The following SNTG1 variants were observed in gnomAD, a reference collection of about 807,000 sequenced individuals.
SNTG1 encodes syntrophin gamma 1.
A neutral mutation model predicts 74.7 loss-of-function variants in SNTG1; 39 were observed. That is an observed-to-expected ratio of 0.52 (90% CI 0.40 to 0.68). The LOEUF (loss-of-function observed/expected upper bound fraction) is 0.68, where lower values mean the gene tolerates loss of function less well. SNTG1 is among the 30% of genes least tolerant of loss of function. SNTG1 has a pLI of 0.00. For missense variants in SNTG1, 685 were observed against 609.5 expected (o/e 1.12, Z -1.30); for synonymous variants, 254 against 217.1 (o/e 1.17, Z -1.49).
At chr8:50,473,966 G>A (rs996691868) in intron 8 of SNTG1, among the ~76,000 whole-genome samples, 1 of 148,688 alleles carries the variant, frequency 6.7e-6, no homozygotes, top group African/African-American at 2.5e-5. Context: ...TAGTTTTTAA[G>A]TTTTTTTTTT....
At chr8:50,182,601 GA>G (rs965520684) in intron 2 of SNTG1, among the ~76,000 whole-genome samples, 3 of 151,812 alleles carry the variant, frequency 2.0e-5, no homozygotes, top group Non-Finnish European at 2.9e-5. Flanking sequence ...ATTTTTTCAA[GA>G]AAAAAATGTG....
At chr8:50,349,009 G>T (rs2091565676) in intron 2 of SNTG1, among the ~76,000 whole-genome samples, 1 of 152,122 alleles carries the variant, frequency 6.6e-6, no homozygotes, top group African/African-American at 2.4e-5. Flanking sequence ...TTATAAGTAT[G>T]ACGTGAAAGA....
intron 8 of SNTG1, among the ~76,000 whole-genome samples, chr8:50,482,587 T>TA (rs751902473): frequency 5.9e-5 from 9 of 152,142 alleles, no homozygotes; most frequent in Non-Finnish European, 1.0e-4. Context: ...CTGAAGTAAA[T>TA]AGCCTACAGA....
chr8:50,613,710 A>C (rs576931794), intron 13 of SNTG1, among the ~76,000 whole-genome samples: 145 of 152,256 alleles, frequency 9.5e-4, no homozygotes, highest in African/African-American at 3.4e-3. Flanking sequence ...ATCAGATTTT[A>C]AATTGCACAC....
intron 2 of SNTG1, among the ~76,000 whole-genome samples, chr8:50,218,752 A>G (rs1197951022): frequency 6.6e-6 from 1 of 152,206 alleles, no homozygotes; most frequent in African/African-American, 2.4e-5. Context: ...CTACTTGCCC[A>G]AATAGCCTTT....
intron 9 of SNTG1, among the ~76,000 whole-genome samples, chr8:50,520,277 T>C (rs1422624428): frequency 6.6e-6 from 1 of 152,128 alleles, no homozygotes; most frequent in Non-Finnish European, 1.5e-5. Flanking sequence ...TAACACCTTA[T>C]ACAAAAAATA....
At chr8:50,359,175 G>C (rs1240068380) in intron 2 of SNTG1, among the ~76,000 whole-genome samples, 1 of 152,126 alleles carries the variant, frequency 6.6e-6, no homozygotes, top group Non-Finnish European at 1.5e-5. Flanking sequence ...TCCCAAAATA[G>C]GCATGCCATT....
At chr8:50,510,023 C>T (rs1472737410) in intron 9 of SNTG1, among the ~76,000 whole-genome samples, 1 of 152,184 alleles carries the variant, frequency 6.6e-6, no homozygotes, top group East Asian at 1.9e-4. Flanking sequence ...CCAGTTTTTG[C>T]TCATTCAGTA....
Position 50,384,834 on chromosome 8 carries a change from G to A in SNTG1, c.-27-9378G>A, listed in dbSNP as rs528830551. Among the ~76,000 whole-genome samples the A allele has an allele frequency of 2.6e-5, 4 of 152,190 alleles. No individual in the cohort carries two copies. The East Asian group carries it at 7.7e-4, about 29-fold the overall frequency. On this transcript the variant is annotated intron_variant, in intron 2 of 18. Transcript: ENST00000642720. ...TCTTGTAAACTATTTGTGCCTTAGG[G>A]TCTGCTTGAGCCCGATCACTTCCAT... is the stretch of plus-strand genomic sequence containing the variant.
At chr8:50,603,279 T>C (rs192301698) in intron 13 of SNTG1, among the ~76,000 whole-genome samples, 151 of 152,322 alleles carry the variant, frequency 9.9e-4, no homozygotes, top group African/African-American at 3.5e-3. Context: ...TGCTCCACAG[T>C]TCTGCTATTA....
intron 1 of SNTG1, among the ~76,000 whole-genome samples, chr8:50,021,517 G>A (rs967088185): frequency 7.2e-5 from 11 of 152,142 alleles, no homozygotes; most frequent in Admixed American, 3.9e-4. Flanking sequence ...GAAATTTTCT[G>A]TATGTATTAA....
At chr8:50,333,405 C>T (rs1387041228) in intron 2 of SNTG1, among the ~76,000 whole-genome samples, 1 of 152,196 alleles carries the variant, frequency 6.6e-6, no homozygotes, top group African/African-American at 2.4e-5. Flanking sequence ...GTTCCCTAAA[C>T]TTTTGTATAT....
intron 1 of SNTG1, among the ~76,000 whole-genome samples, chr8:50,149,989 T>C (rs2082006635): frequency 1.3e-5 from 2 of 152,196 alleles, no homozygotes; most frequent in South Asian, 2.1e-4. Flanking sequence ...TTGGGCAGTA[T>C]GGCCATTTTC....
chr8:50,678,402 A>G (rs2131376986), intron 15 of SNTG1, among the ~76,000 whole-genome samples: 1 of 152,182 alleles, frequency 6.6e-6, no homozygotes, highest in African/African-American at 2.4e-5. Context: ...TTCTGGACCA[A>G]GTTGCTCTGT....
chr8:50,532,091 A>C (rs1307851744), intron 10 of SNTG1, among the ~76,000 whole-genome samples: 1 of 152,206 alleles, frequency 6.6e-6, no homozygotes, highest in African/African-American at 2.4e-5. Context: ...AATTCTTCTT[A>C]CTGGAGCTAT....
At chr8:50,422,241 G>A (rs192569829) in intron 4 of SNTG1, among the ~76,000 whole-genome samples, 8 of 23,278 alleles carry the variant, frequency 3.4e-4, no homozygotes, top group Admixed American at 2.6e-3. Flanking sequence ...CTTCAACAGC[G>A]ATCTATCTAT....
intron 13 of SNTG1, among the ~76,000 whole-genome samples, chr8:50,631,174 A>T (rs1396169057): frequency 6.6e-6 from 1 of 152,206 alleles, no homozygotes; most frequent in Non-Finnish European, 1.5e-5. Context: ...AAGAAAAAGC[A>T]ATGTTTCCAG....
chr8:50,048,748 G>A (rs892186194), intron 1 of SNTG1, among the ~76,000 whole-genome samples: 1 of 151,946 alleles, frequency 6.6e-6, no homozygotes, highest in African/African-American at 2.4e-5. Flanking sequence ...TTATGTGTTT[G>A]ACCTTATCAT....
intron 15 of SNTG1, among the ~76,000 whole-genome samples, chr8:50,664,067 G>T (rs2095238751): frequency 6.6e-6 from 1 of 152,138 alleles, no homozygotes; most frequent in African/African-American, 2.4e-5. Context: ...AAATGTCCAT[G>T]TTACACGTCT....
Sources: allele counts gnomAD v4.1 joint callset (sites outside exome capture counted in the v4.1 genomes callset), GRCh38; gene constraint gnomAD v4.1.1; transcripts MANE v1.5; gene names NCBI Gene and HGNC (gene_info 2026-07-23, HGNC 2026-07-21).